PARN: variants seen among roughly 807,000 people sequenced by gnomAD.
PARN encodes poly(A)-specific ribonuclease PARN.
In PARN, 71 loss-of-function variants were observed where a neutral mutation model predicts 102.8. That is an observed-to-expected ratio of 0.69 (90% CI 0.57 to 0.84). The LOEUF is 0.84. Ranked by LOEUF, PARN falls within the 40% of genes least tolerant of loss-of-function variation. The probability of loss-of-function intolerance (pLI) is 0.00; values close to 1 mark genes in which losing one functional copy is unlikely to be tolerated. For synonymous variants in PARN, 261 were observed against 252.9 expected (o/e 1.03, Z -0.30); for missense variants, 782 against 760.9 (o/e 1.03, Z -0.33).
chr16:14,438,393 A>T (rs1960800131), intron 23 of PARN, among the ~76,000 whole-genome samples: 1 of 142,488 alleles, frequency 7.0e-6, no homozygotes, highest in Non-Finnish European at 1.5e-5. Context: ...AAGCAACTGC[A>T]CTGCAATACT....
At chr16:14,510,374 G>A (rs184421615) in intron 21 of PARN, among the ~76,000 whole-genome samples, 33 of 152,158 alleles carry the variant, frequency 2.2e-4, no homozygotes, top group Non-Finnish European at 1.9e-4. Context: ...AATGTACCCA[G>A]TACTGTTATT....
At position 14,520,890 on chromosome 16, in the gene PARN, A is replaced by AGT. The variant is rs1965701292; in HGVS notation, c.1480+31129_1480+31130dup. On this transcript the variant is annotated intron_variant, in intron 21 of 23. Coordinates refer to ENST00000437198, the MANE Select transcript of PARN (RefSeq NM_002582.4). ...GACTTGTCACTATATTCTTCTTTATAGTGTGTGTGTCTTGGACATTTTTTT... is the reference window on the plus strand; with the variant it reads ...GACTTGTCACTATATTCTTCTTTATAGTGTGTGTGTGTCTTGGACATTTTTTT... Among the ~76,000 whole-genome samples, 3 of 152,288 alleles carry AGT rather than the reference A, an allele frequency of 2.0e-5. No individual in the cohort carries two copies. In the South Asian group the frequency reaches 6.2e-4, roughly 32 times the overall value.
rs144151753 is a variant in PARN at position 14,548,090 on chromosome 16, A to G, written c.1480+3931T>C. Among the ~76,000 whole-genome samples, 395 of 151,896 alleles carry G rather than the reference A, an allele frequency of 2.6e-3. 1 individual carries two copies. Among genetic ancestry groups the G allele is most frequent in the African/African-American group, 9.1e-3 (378 of 41,384 alleles). On this transcript the variant is annotated intron_variant, in intron 21 of 23. Coordinates refer to ENST00000437198, the MANE Select transcript of PARN (RefSeq NM_002582.4). ...AAACCCTGTCCCTACTAAAAATACA[A>G]AACAAAAATTAGCCGGGAGTGGAGG...
intron 23 of PARN, among the ~76,000 whole-genome samples, chr16:14,438,576 T>C (rs1211110455): frequency 6.6e-6 from 1 of 152,144 alleles, no homozygotes; most frequent in Non-Finnish European, 1.5e-5. Context: ...TTTTACTAGC[T>C]GGATGACCTT....
intron 15 of PARN, 71 bp downstream of exon 15, chr16:14,584,678 G>A: frequency 9.4e-7 from 1 of 1,064,804 alleles, no homozygotes; most frequent in Non-Finnish European, 1.4e-6. Flanking sequence ...TTGCCAGAAG[G>A]CTATATTGTT....
chr16:14,445,712 G>A (rs1035203840), intron 23 of PARN, among the ~76,000 whole-genome samples: 7 of 152,146 alleles, frequency 4.6e-5, no homozygotes, highest in African/African-American at 1.7e-4. Flanking sequence ...ACCGGCATGC[G>A]CCACCACACC....
At chr16:14,586,166 T>C (rs370559846) in intron 14 of PARN, among the ~76,000 whole-genome samples, 152 bp downstream of exon 14, 3 of 151,900 alleles carry the variant, frequency 2.0e-5, no homozygotes, top group South Asian at 4.2e-4. Flanking sequence ...TATAGATATG[T>C]GGTTTCACTA....
intron 5 of PARN, among the ~76,000 whole-genome samples, chr16:14,625,976 G>A (rs1972625743): frequency 6.6e-6 from 1 of 152,180 alleles, no homozygotes; most frequent in Non-Finnish European, 1.5e-5. Flanking sequence ...CAAAAGAGCA[G>A]AAAGGAAACA....
At chr16:14,443,347 T>C (rs1297831880) in intron 23 of PARN, among the ~76,000 whole-genome samples, 7 of 151,834 alleles carry the variant, frequency 4.6e-5, no homozygotes, top group Non-Finnish European at 8.8e-5. Context: ...TTACTTTTTT[T>C]TTTTTTTTTT....
chr16:14,501,509 A>T (rs1397461644), intron 21 of PARN: 1 of 150,382 alleles, frequency 6.6e-6, no homozygotes, highest in Non-Finnish European at 1.5e-5. Flanking sequence ...AGGCATGAAA[A>T]ATAGAAAAGA....
intron 21 of PARN, among the ~76,000 whole-genome samples, chr16:14,503,467 T>C (rs1964727183): frequency 6.6e-6 from 1 of 152,226 alleles, no homozygotes; most frequent in African/African-American, 2.4e-5. Context: ...CAGCCTAAGC[T>C]GAGAAGGTGT....
chr16:14,502,272 T>C (rs919363470), intron 21 of PARN, among the ~76,000 whole-genome samples: 5 of 152,212 alleles, frequency 3.3e-5, no homozygotes, highest in Non-Finnish European at 7.3e-5. Context: ...CCTTGAAACT[T>C]CTTTCTTCAC....
intron 21 of PARN, among the ~76,000 whole-genome samples, chr16:14,531,007 C>A (rs1966297185): frequency 6.6e-6 from 1 of 151,992 alleles, no homozygotes; most frequent in Non-Finnish European, 1.5e-5. Flanking sequence ...ATCCATCCAT[C>A]CCCCACCTTG....
intron 22 of PARN, among the ~76,000 whole-genome samples, chr16:14,477,078 C>A (rs1596476704): frequency 6.6e-6 from 1 of 152,144 alleles, no homozygotes; most frequent in East Asian, 1.9e-4. Context: ...AAGAAACATA[C>A]TTTCATTGTA....
chr16:14,567,146 G>A (rs558859487), intron 18 of PARN, among the ~76,000 whole-genome samples: 2 of 152,250 alleles, frequency 1.3e-5, no homozygotes, highest in African/African-American at 4.8e-5. Flanking sequence ...AGCCAAAAAC[G>A]AAATAAACAA....
intron 14 of PARN, 25 bp downstream of exon 14, chr16:14,586,293 A>G (rs946175740): frequency 2.0e-6 from 3 of 1,490,596 alleles, no homozygotes; most frequent in Non-Finnish European, 2.8e-6. Context: ...TTTAAAAGAA[A>G]GACAAATCCT....
At chr16:14,600,372 A>G (rs778489207) in intron 11 of PARN, among the ~76,000 whole-genome samples, 3 of 152,200 alleles carry the variant, frequency 2.0e-5, no homozygotes, top group Non-Finnish European at 2.9e-5. Context: ...AAGTATTTTC[A>G]TAATTCCTGA....
intron 5 of PARN, among the ~76,000 whole-genome samples, chr16:14,620,054 A>G (rs1972196858): frequency 8.0e-6 from 1 of 124,550 alleles, no homozygotes; most frequent in East Asian, 2.4e-4. Flanking sequence ...TGGGTGACAG[A>G]GCAAGACTCT....
chr16:14,486,180 C>T (rs2151602668), intron 21 of PARN, among the ~76,000 whole-genome samples: 1 of 152,170 alleles, frequency 6.6e-6, no homozygotes, highest in East Asian at 1.9e-4. Flanking sequence ...TGGGGCAAAA[C>T]CCCATTCTCC....
Sources: gnomAD v4.1 joint callset for allele counts (sites outside exome capture counted in the v4.1 genomes callset) on GRCh38, gnomAD v4.1.1 for gene constraint, MANE v1.5 for transcripts, NCBI Gene and HGNC (gene_info 2026-07-23, HGNC 2026-07-21) for gene names.